Variants in CDH13 observed in about 807,000 individuals in gnomAD.
CDH13 encodes cadherin-13.
A neutral mutation model predicts 63.8 loss-of-function variants in CDH13; 24 were observed. The observed-to-expected ratio is 0.38, with a 90% CI of 0.27 to 0.53. The LOEUF (loss-of-function observed/expected upper bound fraction) is 0.53, where lower values mean the gene tolerates loss of function less well. Among genes scored for constraint, CDH13 ranks in the 20% least tolerant of loss-of-function variants. CDH13 has a pLI of 0.85. For synonymous variants in CDH13, 503 were observed against 355.3 expected, an observed-to-expected ratio of 1.42 and a Z score of -4.67; for missense variants, 1,049 against 903.1, an observed-to-expected ratio of 1.16 and a Z score of -2.07.
At chr16:83,265,720 A>G (rs1201993285) in intron 5 of CDH13, among the ~76,000 whole-genome samples, 1 of 62,214 alleles carries the variant, frequency 1.6e-5, no homozygotes. Flanking sequence ...TTGCTTCTAA[A>G]TTTCTGCTTT....
chr16:83,793,323 C>T (rs1308114767), intron 13 of CDH13, among the ~76,000 whole-genome samples: 5 of 152,090 alleles, frequency 3.3e-5, no homozygotes, highest in Admixed American at 6.5e-5. Context: ...ATTTTGAAAC[C>T]GGATCTGAGC....
chr16:82,720,734 A>G (rs950331497), intron 1 of CDH13, among the ~76,000 whole-genome samples: 4 of 152,010 alleles, frequency 2.6e-5, no homozygotes, highest in Non-Finnish European at 5.9e-5. Flanking sequence ...ACAGCATTAT[A>G]TGATGTCTGG....
At chr16:83,749,058 G>A (rs1028259185) in intron 11 of CDH13, among the ~76,000 whole-genome samples, 1 of 152,192 alleles carries the variant, frequency 6.6e-6, no homozygotes, top group Non-Finnish European at 1.5e-5. Flanking sequence ...CTGAGATGAG[G>A]GGATTCCAGT....
intron 8 of CDH13, among the ~76,000 whole-genome samples, chr16:83,619,621 G>A (rs1050255338): frequency 2.0e-5 from 3 of 152,178 alleles, no homozygotes; most frequent in African/African-American, 7.2e-5. Context: ...GCTTGTGCAT[G>A]AGCACGAGCA....
chr16:83,796,206 T>C lies in CDH13; in HGVS notation c.*1176T>C, dbSNP rs1904280297. Reference sequence around the variant, plus strand: ...CGGAAAGTTAGTGCTTGTTCTAAGATTACCTTCTTGTTGATAAACCATAAA... The same window carrying C: ...CGGAAAGTTAGTGCTTGTTCTAAGACTACCTTCTTGTTGATAAACCATAAA... On this transcript the variant is annotated 3_prime_UTR_variant, in exon 14 of 14. Transcript: ENST00000567109. 6.6e-6 allele frequency: 1 copy of C among 152,330 alleles called. No homozygotes were observed. The highest frequency in any genetic ancestry group is 2.4e-5 in the African/African-American group (1 of 41,474). 9.4% of individuals were successfully genotyped at this position (152,330 alleles called of 1,614,324 possible). A position where few individuals can be genotyped will look rare whatever the true frequency, so the allele number is the denominator to read the frequency against.
chr16:83,201,538 C>G (rs1343471126), intron 4 of CDH13, among the ~76,000 whole-genome samples: 1 of 152,052 alleles, frequency 6.6e-6, no homozygotes, highest in Non-Finnish European at 1.5e-5. Flanking sequence ...CCAGACACCA[C>G]TGGGAAAGGG....
chr16:83,368,324 A>C (rs556242948), intron 6 of CDH13, among the ~76,000 whole-genome samples: 1 of 152,266 alleles, frequency 6.6e-6, no homozygotes, highest in Admixed American at 6.5e-5. Flanking sequence ...ATTGTTCCAA[A>C]TCCTCATCTA....
chr16:83,390,430 C>T (rs1409080287), intron 6 of CDH13, among the ~76,000 whole-genome samples: 3 of 151,024 alleles, frequency 2.0e-5, no homozygotes, highest in South Asian at 4.2e-4. Flanking sequence ...TTATTGGACA[C>T]AGTATCCCAT....
At chr16:83,243,133 C>T (rs914297473) in intron 5 of CDH13, among the ~76,000 whole-genome samples, 9 of 152,148 alleles carry the variant, frequency 5.9e-5, no homozygotes, top group African/African-American at 9.7e-5. Flanking sequence ...ACCACCATAC[C>T]GCCAAAGAGT....
At chr16:83,565,383 C>CTTTTTTTTTTTTTTTTTTTTT (rs369127310) in intron 7 of CDH13, among the ~76,000 whole-genome samples, 2 of 130,612 alleles carry the variant, frequency 1.5e-5, no homozygotes, top group African/African-American at 2.9e-5. Flanking sequence ...TTCCACTGTT[C>CTTTTTTTTTTTTTTTTTTTTT]TTTTTTTTTT....
chr16:82,802,073 C>A (rs1214817460), intron 1 of CDH13, among the ~76,000 whole-genome samples: 18 of 151,242 alleles, frequency 1.2e-4, no homozygotes, highest in Admixed American at 1.1e-3. Flanking sequence ...AGAGCTGTGC[C>A]CCACTGGGGC....
intron 6 of CDH13, among the ~76,000 whole-genome samples, chr16:83,345,435 G>A (rs1219259878): frequency 6.6e-6 from 1 of 152,154 alleles, no homozygotes; most frequent in Non-Finnish European, 1.5e-5. Context: ...AAATAGGTAG[G>A]ACTTCTTCCC....
At chr16:83,414,310 A>AT (rs1164299608) in intron 6 of CDH13, among the ~76,000 whole-genome samples, 1 of 152,190 alleles carries the variant, frequency 6.6e-6, no homozygotes, top group Non-Finnish European at 1.5e-5. Context: ...ACCCATTTAA[A>AT]ATGTGCAATT....
chr16:82,797,480 C>T (rs1200635991), intron 1 of CDH13, among the ~76,000 whole-genome samples: 5 of 152,200 alleles, frequency 3.3e-5, no homozygotes, highest in Admixed American at 1.3e-4. Context: ...CCCCAGCAAG[C>T]TTCTCATCAC....
chr16:83,159,061 G>A (rs888184053), intron 4 of CDH13, among the ~76,000 whole-genome samples: 10 of 151,514 alleles, frequency 6.6e-5, no homozygotes, highest in Admixed American at 2.0e-4. Context: ...TCAACTTCAC[G>A]TTTCCATTTT....
intron 8 of CDH13, among the ~76,000 whole-genome samples, chr16:83,636,978 T>G (rs1911321053): frequency 6.6e-6 from 1 of 152,180 alleles, no homozygotes; most frequent in South Asian, 2.1e-4. Flanking sequence ...GGTAACTCAT[T>G]ATGGTTTTGA....
At chr16:82,929,173 G>C (rs1446825899) in intron 2 of CDH13, among the ~76,000 whole-genome samples, 2 of 152,122 alleles carry the variant, frequency 1.3e-5, no homozygotes, top group Admixed American at 1.3e-4. Flanking sequence ...ATATATCATA[G>C]AAGGAATGTT....
chr16:83,120,386 T>G (rs7198052), intron 3 of CDH13, among the ~76,000 whole-genome samples: 78,149 of 152,022 alleles, frequency 0.51, 20,421 homozygotes, highest in Admixed American at 0.62. Flanking sequence ...TATCACCCAT[T>G]TGTGGGTATG....
At chr16:83,652,311 C>A (rs1912457709) in intron 8 of CDH13, among the ~76,000 whole-genome samples, 1 of 152,202 alleles carries the variant, frequency 6.6e-6, no homozygotes, top group African/African-American at 2.4e-5. Context: ...CAGAAGGTTT[C>A]TCTTGTCCTT....
Sources: allele counts gnomAD v4.1 joint callset (sites outside exome capture counted in the v4.1 genomes callset), GRCh38; gene constraint gnomAD v4.1.1; transcripts MANE v1.5; gene names NCBI Gene and HGNC (gene_info 2026-07-23, HGNC 2026-07-21).